The following CLVS1 variants were observed in gnomAD, a reference collection of about 807,000 sequenced individuals.
CLVS1 encodes clavesin-1.
A neutral mutation model predicts 33.1 loss-of-function variants in CLVS1; 10 were observed. The ratio of observed to expected loss-of-function variants is 0.30; its 90% confidence interval spans 0.19 to 0.51. The LOEUF is 0.51. Among genes scored for constraint, CLVS1 ranks in the 20% least tolerant of loss-of-function variants. The pLI, the probability that CLVS1 is intolerant of heterozygous loss-of-function variation, is 0.97. For synonymous variants in CLVS1, 163 were observed against 166.1 expected (o/e 0.98, Z 0.14); for missense variants, 343 against 433.4 (o/e 0.79, Z 1.85).
At chr8:61,099,530 TTA>T (rs1370908862) in intron 1 of CLVS1, among the ~76,000 whole-genome samples, 2 of 152,126 alleles carry the variant, frequency 1.3e-5, no homozygotes, top group Non-Finnish European at 2.9e-5. Flanking sequence ...TGAACAAATA[TTA>T]TATACAGTCA....
intron 2 of CLVS1, among the ~76,000 whole-genome samples, chr8:61,141,195 CT>C (rs1043882788): frequency 6.6e-6 from 1 of 152,096 alleles, no homozygotes; most frequent in Non-Finnish European, 1.5e-5. Flanking sequence ...ATTAACTTCC[CT>C]TTTTTCATCC....
intron 2 of CLVS1, among the ~76,000 whole-genome samples, chr8:61,248,182 C>T (rs1010354020): frequency 8.5e-5 from 13 of 152,178 alleles, no homozygotes; most frequent in Non-Finnish European, 1.3e-4. Context: ...GTTTTGGTCA[C>T]TGTAGCCTTG....
intron 5 of CLVS1, among the ~76,000 whole-genome samples, chr8:61,474,705 T>G (rs1327805659): frequency 6.6e-6 from 1 of 152,168 alleles, no homozygotes; most frequent in African/African-American, 2.4e-5. Flanking sequence ...AGCAAGAAGC[T>G]CTCTTTACAG....
At chr8:60,988,647 A>C in the CLVS1 span, among the ~76,000 whole-genome samples, 1 of 152,220 alleles carries the variant, frequency 6.6e-6, no homozygotes, top group Non-Finnish European at 1.5e-5. Context: ...TAGCAGTAAA[A>C]TCTATTCCCA....
chr8:61,329,172 G>C (rs2931305), intron 2 of CLVS1, among the ~76,000 whole-genome samples: 2 of 151,468 alleles, frequency 1.3e-5, no homozygotes, highest in Non-Finnish European at 2.9e-5. Flanking sequence ...AAAACCTTTA[G>C]AGAGTAGGCA....
At chr8:61,427,063 G>A (rs1815923189) in intron 3 of CLVS1, among the ~76,000 whole-genome samples, 1 of 152,090 alleles carries the variant, frequency 6.6e-6, no homozygotes, top group Admixed American at 6.6e-5. Context: ...CATGGAGTAT[G>A]GTGTTCACAA....
At chr8:61,297,796 G>GGTAAAT (rs892036203) in intron 1 of CLVS1, among the ~76,000 whole-genome samples, 11 of 152,012 alleles carry the variant, frequency 7.2e-5, no homozygotes, top group Non-Finnish European at 1.5e-4. Flanking sequence ...ACAAATCAAG[G>GGTAAAT]GTAAATGGAG....
the CLVS1 span, among the ~76,000 whole-genome samples, chr8:61,039,569 G>T: frequency 1.6e-4 from 24 of 152,040 alleles, no homozygotes; most frequent in Admixed American, 3.3e-4. Context: ...CAGAGGCAGG[G>T]TCTTGGTCTG....
chr8:61,218,363 G>A (rs1808136378), intron 2 of CLVS1, among the ~76,000 whole-genome samples: 1 of 152,114 alleles, frequency 6.6e-6, no homozygotes, highest in Non-Finnish European at 1.5e-5. Flanking sequence ...AACATGGAAG[G>A]AATGGAGGAG....
intron 2 of CLVS1, among the ~76,000 whole-genome samples, chr8:61,199,685 T>A (rs1807688234): frequency 6.6e-6 from 1 of 152,224 alleles, no homozygotes; most frequent in African/African-American, 2.4e-5. Flanking sequence ...CCTCTTCCTC[T>A]TTTCTTCAGG....
intron 2 of CLVS1, among the ~76,000 whole-genome samples, chr8:61,218,537 G>A (rs185436850): frequency 6.6e-6 from 1 of 151,440 alleles, no homozygotes; most frequent in East Asian, 1.9e-4. Flanking sequence ...GAAGAAATTT[G>A]TTAAAGGATA....
chr8:61,231,785 G>T (rs946546237), intron 2 of CLVS1, among the ~76,000 whole-genome samples: 1 of 152,262 alleles, frequency 6.6e-6, no homozygotes, highest in South Asian at 2.1e-4. Flanking sequence ...TCTGGGTAAC[G>T]CCAGCATGGG....
chr8:61,176,885 G>A (rs965468763), intron 2 of CLVS1, among the ~76,000 whole-genome samples: 5 of 152,172 alleles, frequency 3.3e-5, no homozygotes, highest in Admixed American at 6.5e-5. Context: ...TCCCAATCAC[G>A]GAGCCACTCA....
chr8:61,240,008 C>G (rs1372478687), intron 2 of CLVS1, among the ~76,000 whole-genome samples: 1 of 152,092 alleles, frequency 6.6e-6, no homozygotes, highest in African/African-American at 2.4e-5. Flanking sequence ...CCCCAGTAAG[C>G]CACTAGACGA....
chr8:61,352,098 C>A (rs904633182), intron 2 of CLVS1, among the ~76,000 whole-genome samples: 3 of 151,932 alleles, frequency 2.0e-5, no homozygotes, highest in Non-Finnish European at 4.4e-5. Flanking sequence ...CTAACACCAT[C>A]TGCTATTCAA....
chr8:61,317,111 G>A (rs193073600), intron 2 of CLVS1, among the ~76,000 whole-genome samples: 63 of 152,156 alleles, frequency 4.1e-4, no homozygotes, highest in South Asian at 6.2e-4. Flanking sequence ...AATACCTGGG[G>A]CTTGGTAATT....
chr8:61,425,224 G>T (rs1346769712), intron 3 of CLVS1, among the ~76,000 whole-genome samples: 1 of 152,088 alleles, frequency 6.6e-6, no homozygotes, highest in Non-Finnish European at 1.5e-5. Context: ...ATGCTCATTT[G>T]CATTCAGATC....
intron 1 of CLVS1, among the ~76,000 whole-genome samples, chr8:61,059,471 C>CAT (rs1292747857): frequency 1.7e-4 from 4 of 22,990 alleles, no homozygotes; most frequent in African/African-American, 4.9e-4. Flanking sequence ...TACATACATA[C>CAT]ATACATATAT....
intron 3 of CLVS1, among the ~76,000 whole-genome samples, chr8:61,389,969 A>G (rs1814238438): frequency 6.6e-6 from 1 of 152,224 alleles, no homozygotes; most frequent in Non-Finnish European, 1.5e-5. Flanking sequence ...ACCAAGAAAG[A>G]GCCCTTTGAA....
Sources: gnomAD v4.1 joint callset for allele counts (sites outside exome capture counted in the v4.1 genomes callset) on GRCh38, gnomAD v4.1.1 for gene constraint, MANE v1.5 for transcripts, NCBI Gene and HGNC (gene_info 2026-07-23, HGNC 2026-07-21) for gene names.